Variants in LPP observed in about 807,000 individuals in gnomAD.
LPP encodes lipoma-preferred partner.
LPP carries 38 observed loss-of-function variants against 60.4 expected under a neutral mutation model. The ratio of observed to expected loss-of-function variants is 0.63; its 90% confidence interval spans 0.49 to 0.83. LPP has a LOEUF of 0.83. LPP is among the 40% of genes least tolerant of loss of function. The pLI is 0.00. For synonymous variants in LPP, 328 were observed against 290.8 expected (o/e 1.13, Z -1.30); for missense variants, 902 against 783.6 (o/e 1.15, Z -1.80).
At chr3:188,536,606 T>G (rs71633238) in intron 6 of LPP, among the ~76,000 whole-genome samples, 2 of 152,188 alleles carry the variant, frequency 1.3e-5, no homozygotes, top group African/African-American at 2.4e-5. Context: ...GAGTATTGAA[T>G]TTTAAATGGA....
At chr3:188,597,619 T>G (rs546512032) in intron 6 of LPP, among the ~76,000 whole-genome samples, 2 of 152,228 alleles carry the variant, frequency 1.3e-5, no homozygotes, top group Middle Eastern at 6.8e-3. Context: ...AAAATTAGAT[T>G]GAACTACAGA....
At chr3:188,678,318 T>C (rs1189396919) in intron 7 of LPP, among the ~76,000 whole-genome samples, 2 of 152,238 alleles carry the variant, frequency 1.3e-5, no homozygotes, top group African/African-American at 4.8e-5. Flanking sequence ...TTAATGTAGC[T>C]TTATACAGCT....
intron 4 of LPP, among the ~76,000 whole-genome samples, chr3:188,407,788 G>GTTTTTTT (rs869082030): frequency 1.9e-4 from 20 of 107,606 alleles, no homozygotes; most frequent in African/African-American, 7.1e-4. Context: ...TTGTTTGTTT[G>GTTTTTTT]TTTTTTTTTT....
At chr3:188,473,203 C>T (rs1407931785) in intron 4 of LPP, among the ~76,000 whole-genome samples, 1 of 152,148 alleles carries the variant, frequency 6.6e-6, no homozygotes, top group Non-Finnish European at 1.5e-5. Context: ...CTCATTTAGT[C>T]ATCACCCAGT....
intron 9 of LPP, among the ~76,000 whole-genome samples, chr3:188,812,644 G>A (rs139427698): frequency 9.2e-4 from 140 of 152,110 alleles, no homozygotes; most frequent in African/African-American, 3.1e-3. Flanking sequence ...GTAAATTAGC[G>A]TTCTCTTTGT....
At chr3:188,291,699 T>C (rs1577895215) in intron 2 of LPP, among the ~76,000 whole-genome samples, 1 of 150,638 alleles carries the variant, frequency 6.6e-6, no homozygotes, top group Admixed American at 6.6e-5. Context: ...TTACCTTGTG[T>C]GGGGGGCTTG....
chr3:188,295,726 G>A (rs1168519233), intron 2 of LPP, among the ~76,000 whole-genome samples: 1 of 152,130 alleles, frequency 6.6e-6, no homozygotes, highest in East Asian at 1.9e-4. Context: ...TAGAGATGGG[G>A]TCTTGCTATG....
intron 2 of LPP, among the ~76,000 whole-genome samples, chr3:188,313,928 T>A (rs1484617740): frequency 6.6e-6 from 1 of 152,218 alleles, no homozygotes; most frequent in Non-Finnish European, 1.5e-5. Flanking sequence ...TATATGTGTG[T>A]GTGCCTCTGT....
intron 7 of LPP, among the ~76,000 whole-genome samples, chr3:188,677,511 T>C (rs1220114781): frequency 6.6e-6 from 1 of 152,110 alleles, no homozygotes; most frequent in Admixed American, 6.5e-5. Flanking sequence ...TTGAAACTGA[T>C]AGAGAAATAC....
At chr3:188,305,019 C>A (rs1751063870) in intron 2 of LPP, among the ~76,000 whole-genome samples, 1 of 152,126 alleles carries the variant, frequency 6.6e-6, no homozygotes, top group Non-Finnish European at 1.5e-5. Flanking sequence ...TCCTAGCTTG[C>A]ACATTTCTCT....
chr3:188,233,438 G>C (rs891925898), intron 2 of LPP, among the ~76,000 whole-genome samples: 1 of 152,114 alleles, frequency 6.6e-6, no homozygotes, highest in African/African-American at 2.4e-5. Flanking sequence ...ACTTCTTCAG[G>C]ATGAGATCAC....
intron 9 of LPP, among the ~76,000 whole-genome samples, chr3:188,842,818 G>C (rs571338555): frequency 1.3e-5 from 2 of 152,226 alleles, no homozygotes; most frequent in South Asian, 4.1e-4. Flanking sequence ...AGTTTTAGGA[G>C]ATTTGGCAAT....
chr3:188,630,736 G>T (rs1481662507), intron 7 of LPP, among the ~76,000 whole-genome samples: 1 of 152,160 alleles, frequency 6.6e-6, no homozygotes, highest in Non-Finnish European at 1.5e-5. Context: ...TATGTTCATT[G>T]CAGCACTATT....
At chr3:188,766,171 C>T (rs935954064) in intron 9 of LPP, among the ~76,000 whole-genome samples, 1 of 151,696 alleles carries the variant, frequency 6.6e-6, no homozygotes, top group African/African-American at 2.4e-5. Context: ...ACACCCAGCC[C>T]ATGTTAAATT....
At position 188,333,316 on chromosome 3, in the gene LPP, C is replaced by T. The variant is rs189379272; in HGVS notation, c.-66-8347C>T. Among the ~76,000 whole-genome samples, 869 of 152,196 alleles carry T rather than the reference C, an allele frequency of 5.7e-3. 3 individuals are homozygous for T. The highest frequency in any genetic ancestry group is 0.01 in the Non-Finnish European group (701 of 68,010). ...TTGCAAAGTGGTCATGCTGTGTTGTCTGCTTTTATTTATATCACAAGACCA... is the reference window on the plus strand; with the variant it reads ...TTGCAAAGTGGTCATGCTGTGTTGTTTGCTTTTATTTATATCACAAGACCA... On this transcript the variant is annotated intron_variant, in intron 2 of 11. Transcript: ENST00000617246.
intron 9 of LPP, among the ~76,000 whole-genome samples, chr3:188,829,341 G>A (rs1288419538): frequency 6.6e-6 from 1 of 152,128 alleles, no homozygotes; most frequent in Non-Finnish European, 1.5e-5. Flanking sequence ...TCTTCTCACA[G>A]ATCAAGTTAC....
intron 5 of LPP, among the ~76,000 whole-genome samples, chr3:188,517,729 G>A (rs530912641): frequency 3.3e-5 from 5 of 152,120 alleles, no homozygotes; most frequent in Admixed American, 6.5e-5. Flanking sequence ...ATCAGATCTC[G>A]TGAAACTTTT....
chr3:188,377,978 C>A (rs1333670772), intron 3 of LPP, among the ~76,000 whole-genome samples: 1 of 152,144 alleles, frequency 6.6e-6, no homozygotes, highest in African/African-American at 2.4e-5. Flanking sequence ...ACACTCCAGT[C>A]CCTGTTTGTC....
intron 9 of LPP, among the ~76,000 whole-genome samples, chr3:188,814,104 C>T (rs925608090): frequency 1.3e-5 from 2 of 151,964 alleles, no homozygotes; most frequent in African/African-American, 4.8e-5. Context: ...CATACAGACC[C>T]ACACACACAT....
Sources: allele counts gnomAD v4.1 joint callset (sites outside exome capture counted in the v4.1 genomes callset), GRCh38; gene constraint gnomAD v4.1.1; transcripts MANE v1.5; gene names NCBI Gene and HGNC (gene_info 2026-07-23, HGNC 2026-07-21).